NDUFA10: variants seen among roughly 807,000 people sequenced by gnomAD.
NDUFA10 encodes the protein NADH:ubiquinone oxidoreductase subunit A10.
In NDUFA10, 40 loss-of-function variants were observed where a neutral mutation model predicts 47.8. The observed-to-expected ratio is 0.84, with a 90% CI of 0.65 to 1.09. The LOEUF is 1.09. Among genes scored for constraint, NDUFA10 ranks in the 50% least tolerant of loss-of-function variants. The pLI is 0.00. For missense variants in NDUFA10, 413 were observed against 451.1 expected (o/e 0.92, Z 0.76); for synonymous variants, 183 against 172.2 (o/e 1.06, Z -0.49).
intron 4 of NDUFA10, among the ~76,000 whole-genome samples, chr2:239,949,360 G>A (rs1395168802): frequency 6.6e-6 from 1 of 152,142 alleles, no homozygotes; most frequent in Non-Finnish European, 1.5e-5. Flanking sequence ...TTTTTGGGGT[G>A]TATCTGTGGG....
intron 8 of NDUFA10, among the ~76,000 whole-genome samples, chr2:239,999,033 G>C (rs1696597878): frequency 6.6e-6 from 1 of 152,200 alleles, no homozygotes; most frequent in Non-Finnish European, 1.5e-5. Context: ...GCTGCTGGCA[G>C]AGGGGAGGAG....
chr2:239,998,107 G>A (rs1191295589), intron 8 of NDUFA10, among the ~76,000 whole-genome samples: 3 of 152,180 alleles, frequency 2.0e-5, no homozygotes, highest in East Asian at 1.9e-4. Context: ...TGTTAATCCT[G>A]GCACTGTGGT....
At chr2:240,006,273 A>C (rs1696945850) in intron 7 of NDUFA10, among the ~76,000 whole-genome samples, 1 of 152,240 alleles carries the variant, frequency 6.6e-6, no homozygotes, top group Non-Finnish European at 1.5e-5. Context: ...GCGGAGGAGA[A>C]AATGAAATGT....
At chr2:240,025,181 C>A (rs1163808891) in intron 1 of NDUFA10, 46 bp downstream of exon 1, 13 of 618,286 alleles carry the variant, frequency 2.1e-5, no homozygotes, top group African/African-American at 8.8e-5. Flanking sequence ...CCCGCCACCC[C>A]GCCACCCTGC....
intron 9 of NDUFA10, among the ~76,000 whole-genome samples, chr2:239,989,747 TAAGA>T (rs1272025429): frequency 2.6e-5 from 4 of 151,760 alleles, no homozygotes; most frequent in African/African-American, 7.3e-5. Flanking sequence ...AGACAAAGAG[TAAGA>T]AAATACCAGA....
At chr2:239,912,423 G>T (rs1015232298) in intron 4 of NDUFA10, among the ~76,000 whole-genome samples, 2 of 152,212 alleles carry the variant, frequency 1.3e-5, no homozygotes, top group African/African-American at 4.8e-5. Flanking sequence ...ACTTGGTGGT[G>T]CTGGCCAGAC....
rs868023736 is a variant in NDUFA10 at position 239,915,015 on chromosome 2, C to T, written c.295-19701G>A. Among the ~76,000 whole-genome samples, 30 of 143,274 alleles carry T rather than the reference C, an allele frequency of 2.1e-4. 3 individuals are homozygous for T. Among genetic ancestry groups the T allele is most frequent in the Middle Eastern group, 3.6e-3 (1 of 276 alleles). 94.0% of individuals were successfully genotyped at this position (143,274 alleles called of 152,430 possible). On this transcript the variant is annotated intron_variant, in intron 4 of 5. Transcript: ENST00000419408. ...ATATATAGACACACACAGAGAGACA[C>T]ACAGAGATACACATACACACACAGA...
At chr2:239,997,787 C>A (rs908741681) in intron 8 of NDUFA10, among the ~76,000 whole-genome samples, 1 of 152,186 alleles carries the variant, frequency 6.6e-6, no homozygotes, top group African/African-American at 2.4e-5. Context: ...GCTTTGAGAG[C>A]TATATACAGT....
chr2:239,973,836 G>A (rs186057768), intron 9 of NDUFA10, among the ~76,000 whole-genome samples: 1 of 152,284 alleles, frequency 6.6e-6, no homozygotes, highest in Non-Finnish European at 1.5e-5. Context: ...ACAAAATGAG[G>A]AGGGTCGCTA....
chr2:239,930,018 C>A (rs1465447436), intron 4 of NDUFA10, among the ~76,000 whole-genome samples: 4 of 114,550 alleles, frequency 3.5e-5, no homozygotes, highest in Admixed American at 1.7e-4. Flanking sequence ...CCTGCTCCTC[C>A]ACCAGTCCTG....
chr2:240,014,594 C>A, intron 5 of NDUFA10, 145 bp downstream of exon 5: 2 of 1,320,608 alleles, frequency 1.5e-6, no homozygotes, highest in South Asian at 2.4e-5. Flanking sequence ...CCTGCAGATG[C>A]CCTCTCTCAA....
intron 4 of NDUFA10, among the ~76,000 whole-genome samples, 171 bp from the exon 5 acceptor site, chr2:240,015,031 G>A (rs774174418): frequency 2.6e-5 from 4 of 152,248 alleles, no homozygotes; most frequent in Non-Finnish European, 4.4e-5. Flanking sequence ...CACATGGCAT[G>A]TGACTGTGCT....
intron 4 of NDUFA10, among the ~76,000 whole-genome samples, chr2:239,924,173 G>GA (rs1027119998): frequency 2.6e-5 from 4 of 152,026 alleles, no homozygotes; most frequent in Admixed American, 6.5e-5. Context: ...AAATAAAAGA[G>GA]AAAAAAGCAT....
chr2:239,932,693 C>A (rs961441049), intron 4 of NDUFA10, among the ~76,000 whole-genome samples: 9 of 152,070 alleles, frequency 5.9e-5, no homozygotes, highest in Non-Finnish European at 1.3e-4. Context: ...CATTCTCCTG[C>A]CTCAGCCTCC....
intron 9 of NDUFA10, among the ~76,000 whole-genome samples, chr2:239,970,332 T>C (rs374402346): frequency 7.9e-5 from 12 of 152,322 alleles, no homozygotes; most frequent in Admixed American, 2.0e-4. Context: ...AGTTGAACTA[T>C]ATATTTTCAG....
In NDUFA10 at chr2:239,959,527, T is replaced by C; in HGVS notation, c.*1591A>G. On this transcript the variant is annotated 3_prime_UTR_variant, in exon 10 of 10. Coordinates refer to ENST00000252711, the MANE Select transcript of NDUFA10 (RefSeq NM_004544.4). ...TGCTTTCATTTCATGATTAAAGCTG[T>C]TGGTTTCCTAGTGAAATGCAAAACT... is the stretch of plus-strand genomic sequence containing the variant. The C allele has an allele frequency of 1.0e-6, 1 of 985,510 alleles. No individual in the cohort carries two copies. The highest frequency in any genetic ancestry group is 1.7e-5 in the African/African-American group (1 of 57,370). 61.0% of individuals were successfully genotyped at this position (985,510 alleles called of 1,614,324 possible). A position where few individuals can be genotyped will look rare whatever the true frequency, so the allele number is the denominator to read the frequency against.
chr2:239,953,633 C>T (rs1245441102), downstream of NDUFA10, among the ~76,000 whole-genome samples: 1 of 152,194 alleles, frequency 6.6e-6, no homozygotes, highest in Non-Finnish European at 1.5e-5. Flanking sequence ...AGTCCCCCAC[C>T]TTAGTTCCAC....
intron 5 of NDUFA10, chr2:240,012,049 G>A (rs1040475192): frequency 4.2e-5 from 14 of 335,780 alleles, no homozygotes; most frequent in Admixed American, 3.7e-4. Flanking sequence ...AAAATTGGGG[G>A]CAGCGGCCTG....
rs1450291674 is a variant in NDUFA10 at position 239,987,154 on chromosome 2, T to C, written c.999+2920A>G. On this transcript the variant is annotated intron_variant, in intron 9 of 9. Transcript: ENST00000252711. The surrounding 1 kb of genome is among the most constrained non-coding windows in gnomAD (Gnocchi z 4.8). Reference sequence around the variant, plus strand: ...ACTGCTCATGAAGAGGGCCTATGGATTGGACAGCAGTAACGTGTGATGCTC... The same window carrying C: ...ACTGCTCATGAAGAGGGCCTATGGACTGGACAGCAGTAACGTGTGATGCTC... Among the ~76,000 whole-genome samples the C allele has an allele frequency of 6.6e-6, 1 of 152,034 alleles. No homozygotes were observed.
Sources: gnomAD v4.1 joint callset for allele counts (sites outside exome capture counted in the v4.1 genomes callset) on GRCh38, gnomAD v4.1.1 for gene constraint, Gnocchi (gnomAD v3.1) non-coding constraint, MANE v1.5 for transcripts, NCBI Gene and HGNC (gene_info 2026-07-23, HGNC 2026-07-21) for gene names.